Variants in ANKRD13C observed in about 807,000 individuals in gnomAD.
ANKRD13C encodes the protein ankyrin repeat domain 13C.
Under a neutral mutation model 65.5 loss-of-function variants are expected in ANKRD13C, and 16 were observed. The ratio of observed to expected loss-of-function variants is 0.24; its 90% CI spans 0.17 to 0.37. The LOEUF is 0.37. Among genes scored for constraint, ANKRD13C ranks in the 10% least tolerant of loss-of-function variants. The pLI, the probability that ANKRD13C is intolerant of heterozygous loss-of-function variation, is 1.00. For missense variants in ANKRD13C, 503 were observed against 655.9 expected (o/e 0.77, Z 2.55); for synonymous variants, 235 against 238.7 (o/e 0.98, Z 0.14).
In ANKRD13C at chr1:70,264,180, T is replaced by G. The variant is rs375444795; in HGVS notation, c.1496-1333A>C. ...AGGGAAAAAAAAGAATAGTATTTCA[T>G]GAAGTGAAAATTAGGCTGGGCGTGG... On this transcript the variant is annotated intron_variant, in intron 12 of 12. Coordinates refer to ENST00000370944, the MANE Select transcript of ANKRD13C (RefSeq NM_030816.5). Among the ~76,000 whole-genome samples, 27 of 152,164 alleles carry G rather than the reference T, an allele frequency of 1.8e-4. No homozygotes were observed. The East Asian group carries it at 4.7e-3, about 26-fold the overall frequency.
chr1:70,275,666 C>T (rs1482166963), intron 10 of ANKRD13C, among the ~76,000 whole-genome samples: 1 of 151,884 alleles, frequency 6.6e-6, no homozygotes, highest in African/African-American at 2.4e-5. Context: ...TTGTTTAGCA[C>T]CATAAAATAT....
intron 9 of ANKRD13C, among the ~76,000 whole-genome samples, chr1:70,289,690 A>C (rs1021208665): frequency 4.7e-5 from 7 of 149,050 alleles, no homozygotes. Context: ...GTTAGCCAGG[A>C]TGGTCTCAAT....
chr1:70,286,635 T>C (rs1017276930), intron 9 of ANKRD13C, among the ~76,000 whole-genome samples: 17 of 152,162 alleles, frequency 1.1e-4, no homozygotes, highest in African/African-American at 4.1e-4. Context: ...AAAGTAAAAC[T>C]ATCTTTATTA....
At chr1:70,323,118 T>A (rs2101527821) in intron 3 of ANKRD13C, among the ~76,000 whole-genome samples, 1 of 152,346 alleles carries the variant, frequency 6.6e-6, no homozygotes, top group Admixed American at 6.5e-5. Flanking sequence ...TCAGACCAGT[T>A]GTTGCAACTC....
At chr1:70,268,195 G>A (rs547307704) in intron 12 of ANKRD13C, among the ~76,000 whole-genome samples, 1 of 151,990 alleles carries the variant, frequency 6.6e-6, no homozygotes, top group Non-Finnish European at 1.5e-5. Context: ...TTGAGACAGA[G>A]TCTTGCTCTT....
chr1:70,329,851 G>C (rs1256045240), intron 2 of ANKRD13C, among the ~76,000 whole-genome samples: 2 of 151,974 alleles, frequency 1.3e-5, no homozygotes, highest in African/African-American at 4.8e-5. Flanking sequence ...CCAGCACTTT[G>C]AGAGGCTGAG....
At chr1:70,284,819 A>C (rs1679544560) in intron 9 of ANKRD13C, among the ~76,000 whole-genome samples, 1 of 152,250 alleles carries the variant, frequency 6.6e-6, no homozygotes, top group Non-Finnish European at 1.5e-5. Flanking sequence ...TCAATGTTTT[A>C]AGCCAATATC....
chr1:70,300,389 A>G (rs1300152683), intron 7 of ANKRD13C, among the ~76,000 whole-genome samples: 2 of 152,128 alleles, frequency 1.3e-5, no homozygotes, highest in Non-Finnish European at 2.9e-5. Context: ...GGAGTTTGAG[A>G]CCAACCTAGC....
intron 3 of ANKRD13C, among the ~76,000 whole-genome samples, chr1:70,318,679 G>GTTTTTTTTTTTTTTTTTTTTTTTTTTTTT (rs11337993): frequency 3.2e-5 from 3 of 94,210 alleles, no homozygotes; most frequent in African/African-American, 4.1e-5. Flanking sequence ...ATCAATCTTT[G>GTTTTTTTTTTTTTTTTTTTTTTTTTTTTT]TTTTTTTTTT....
chr1:70,273,016 A>AATAAATAC (rs1678961557), intron 11 of ANKRD13C, among the ~76,000 whole-genome samples: 1 of 151,294 alleles, frequency 6.6e-6, no homozygotes, highest in African/African-American at 2.4e-5. Flanking sequence ...TAAATAAATA[A>AATAAATAC]ATAAATAAAA....
intron 6 of ANKRD13C, 150 bp from the exon 7 acceptor site, chr1:70,301,058 A>G (rs1424579934): frequency 1.4e-6 from 1 of 696,068 alleles, no homozygotes; most frequent in Non-Finnish European, 2.2e-6. Context: ...AAATTTATAG[A>G]TAAAAACTAA....
At chr1:70,271,012 T>G in intron 11 of ANKRD13C, 56 bp from the exon 12 acceptor site, 1 of 1,132,244 alleles carries the variant, frequency 8.8e-7, no homozygotes, top group South Asian at 1.3e-5. Context: ...CTTGTGTCCT[T>G]ATGCTTTTCA....
chr1:70,351,267 A>T (rs761186291), intron 1 of ANKRD13C, among the ~76,000 whole-genome samples: 1 of 152,272 alleles, frequency 6.6e-6, no homozygotes, highest in Non-Finnish European at 1.5e-5. Context: ...AGGAATCCTT[A>T]CGGTGAACAT....
intron 11 of ANKRD13C, among the ~76,000 whole-genome samples, chr1:70,272,649 A>G (rs1199279300): frequency 6.6e-6 from 1 of 151,988 alleles, no homozygotes; most frequent in Admixed American, 6.6e-5. Context: ...TGACGTCTTA[A>G]TATTAGCTGC....
chr1:70,285,145 G>A (rs1679560005), intron 9 of ANKRD13C, among the ~76,000 whole-genome samples: 1 of 148,384 alleles, frequency 6.7e-6, no homozygotes, highest in East Asian at 2.0e-4. Flanking sequence ...ATTGTCAGCT[G>A]TGACCTTGAA....
chr1:70,284,983 C>A (rs1451564850), intron 9 of ANKRD13C, among the ~76,000 whole-genome samples: 1 of 152,014 alleles, frequency 6.6e-6, no homozygotes, highest in Non-Finnish European at 1.5e-5. Flanking sequence ...CAGAATAGGC[C>A]ACTGGAGAAT....
intron 7 of ANKRD13C, among the ~76,000 whole-genome samples, chr1:70,299,636 G>C (rs1201191997): frequency 6.6e-6 from 1 of 152,136 alleles, no homozygotes; most frequent in African/African-American, 2.4e-5. Flanking sequence ...CAGAGTACAA[G>C]AAAAGATATC....
At chr1:70,323,704 G>A (rs560590949) in intron 3 of ANKRD13C, among the ~76,000 whole-genome samples, 2 of 151,802 alleles carry the variant, frequency 1.3e-5, no homozygotes, top group African/African-American at 4.8e-5. Flanking sequence ...ATGTATGTGC[G>A]GTACAATATA....
chr1:70,346,292 T>C (rs927367484), intron 1 of ANKRD13C, among the ~76,000 whole-genome samples: 1 of 152,136 alleles, frequency 6.6e-6, no homozygotes, highest in Non-Finnish European at 1.5e-5. Flanking sequence ...TCAAAAACAT[T>C]AAGTAAAATG....
Sources: allele counts gnomAD v4.1 joint callset (sites outside exome capture counted in the v4.1 genomes callset), GRCh38; gene constraint gnomAD v4.1.1; transcripts MANE v1.5; gene names NCBI Gene and HGNC (gene_info 2026-07-23, HGNC 2026-07-21).